Variants in PDLIM5 observed in about 807,000 individuals in gnomAD.
PDLIM5 encodes PDZ and LIM domain 5.
A neutral mutation model predicts 64.2 loss-of-function variants in PDLIM5; 34 were observed. The observed-to-expected ratio is 0.53, with a 90% CI of 0.40 to 0.71. The LOEUF (loss-of-function observed/expected upper bound fraction) is 0.71, where lower values mean the gene tolerates loss of function less well. PDLIM5 is among the 30% of genes least tolerant of loss of function. The pLI is 0.00. For missense variants in PDLIM5, 683 were observed against 733.6 expected, an observed-to-expected ratio of 0.93 and a Z score of 0.80; for synonymous variants, 253 against 269.1, an observed-to-expected ratio of 0.94 and a Z score of 0.59.
chr4:94,563,257 G>T (rs943965655), intron 3 of PDLIM5, among the ~76,000 whole-genome samples: 5 of 152,108 alleles, frequency 3.3e-5, no homozygotes, highest in African/African-American at 1.2e-4. Context: ...AAGGATGTTG[G>T]ACAAGATTCT....
chr4:94,573,039 G>C (rs1480892062), intron 3 of PDLIM5, among the ~76,000 whole-genome samples: 1 of 152,116 alleles, frequency 6.6e-6, no homozygotes, highest in Non-Finnish European at 1.5e-5. Flanking sequence ...TTTAGGTGGG[G>C]GGTATCCTTA....
At chr4:94,529,946 A>G (rs1578317459) in intron 3 of PDLIM5, among the ~76,000 whole-genome samples, 1 of 152,190 alleles carries the variant, frequency 6.6e-6, no homozygotes, top group South Asian at 2.1e-4. Context: ...TTAAAATTAC[A>G]TTATTTCAGT....
chr4:94,610,997 A>G (rs1170615863), intron 7 of PDLIM5: 2 of 1,139,614 alleles, frequency 1.8e-6, no homozygotes. Flanking sequence ...TTCAAATCAC[A>G]GACCTTAAGA....
intron 2 of PDLIM5, among the ~76,000 whole-genome samples, chr4:94,472,187 C>A (rs1187681419): frequency 1.3e-5 from 2 of 151,982 alleles, no homozygotes; most frequent in Admixed American, 1.3e-4. Flanking sequence ...CGCACACGCA[C>A]CCTGTAGGTT....
At chr4:94,498,653 T>C (rs974629541) in intron 2 of PDLIM5, among the ~76,000 whole-genome samples, 1 of 152,212 alleles carries the variant, frequency 6.6e-6, no homozygotes, top group African/African-American at 2.4e-5. Context: ...TCTTTGATGC[T>C]TAATGGATGT....
intron 3 of PDLIM5, among the ~76,000 whole-genome samples, chr4:94,546,567 A>G (rs927463237): frequency 6.6e-6 from 1 of 152,170 alleles, no homozygotes; most frequent in Non-Finnish European, 1.5e-5. Flanking sequence ...TTAGGGAAAT[A>G]TTTTAATGTG....
At chr4:94,549,530 G>T (rs1732614539) in intron 3 of PDLIM5, among the ~76,000 whole-genome samples, 1 of 152,160 alleles carries the variant, frequency 6.6e-6, no homozygotes, top group African/African-American at 2.4e-5. Context: ...ATGTTCATCA[G>T]CAGGAAATGG....
chr4:94,630,937 T>G (rs1448430435), intron 8 of PDLIM5, among the ~76,000 whole-genome samples: 2 of 152,326 alleles, frequency 1.3e-5, no homozygotes, highest in African/African-American at 2.4e-5. Flanking sequence ...ATTATGTTTC[T>G]CATTCTGTTG....
intron 9 of PDLIM5, among the ~76,000 whole-genome samples, chr4:94,645,263 G>A (rs1232311448): frequency 6.6e-6 from 1 of 152,146 alleles, no homozygotes; most frequent in Non-Finnish European, 1.5e-5. Flanking sequence ...TCTTTCTATG[G>A]CTGAGTAGTA....
intron 10 of PDLIM5, among the ~76,000 whole-genome samples, chr4:94,656,024 CT>C (rs1400020905): frequency 4.6e-5 from 7 of 151,986 alleles, no homozygotes; most frequent in Non-Finnish European, 7.4e-5. Context: ...ATTTCTATGG[CT>C]AATAAGTCTA....
intron 3 of PDLIM5, among the ~76,000 whole-genome samples, chr4:94,532,380 C>T (rs1730958536): frequency 2.0e-5 from 3 of 149,760 alleles, no homozygotes; most frequent in Admixed American, 2.0e-4. Context: ...AAGAAAAGGG[C>T]TCCCTGCTTC....
chr4:94,634,345 T>C (rs147878397), intron 8 of PDLIM5, among the ~76,000 whole-genome samples: 16 of 152,250 alleles, frequency 1.1e-4, no homozygotes, highest in Admixed American at 4.6e-4. Flanking sequence ...GTTTTTTGTA[T>C]CACCATGAGC....
intron 8 of PDLIM5, among the ~76,000 whole-genome samples, chr4:94,627,399 G>A (rs10015716): frequency 0.64 from 97,095 of 152,120 alleles, 31,117 homozygotes; most frequent in South Asian, 0.77. Flanking sequence ...TGTGAAAGCT[G>A]TTCTTTCTCC....
Position 94,582,740 on chromosome 4 carries a change from T to C in PDLIM5, c.711-2825T>C, listed in dbSNP as rs368909667. 5 of 1,552,188 alleles carry C rather than the reference T, an allele frequency of 3.2e-6. No homozygotes were observed. The African/African-American group carries it at 5.4e-5, about 17-fold the overall frequency. On this transcript the variant is annotated intron_variant, in intron 5 of 12. Transcript: ENST00000317968. The stretch of plus-strand genomic sequence containing the variant: ...AGTAACCCTGGCACTGTGTAAGTAC[T>C]TAACCAATGATTCACTTTGTAATTG...
At chr4:94,536,994 T>A (rs1429309328) in intron 3 of PDLIM5, among the ~76,000 whole-genome samples, 1 of 152,204 alleles carries the variant, frequency 6.6e-6, no homozygotes, top group South Asian at 2.1e-4. Context: ...TGCATTTTCA[T>A]TGTAAGTCAG....
chr4:94,633,659 C>A (rs946326806), intron 8 of PDLIM5, among the ~76,000 whole-genome samples: 1 of 152,052 alleles, frequency 6.6e-6, no homozygotes, highest in Non-Finnish European at 1.5e-5. Flanking sequence ...AGCAATATGC[C>A]AGGGACTGCT....
At chr4:94,637,048 T>A (rs2110448156) in intron 8 of PDLIM5, among the ~76,000 whole-genome samples, 1 of 151,864 alleles carries the variant, frequency 6.6e-6, no homozygotes, top group African/African-American at 2.4e-5. Context: ...TGGCTGAGGG[T>A]CACAGAGGCA....
intron 2 of PDLIM5, among the ~76,000 whole-genome samples, chr4:94,503,767 C>A (rs1728140789): frequency 6.6e-6 from 1 of 152,200 alleles, no homozygotes; most frequent in East Asian, 1.9e-4. Flanking sequence ...TAACTGTTGA[C>A]CACTCAGAGT....
intron 1 of PDLIM5, among the ~76,000 whole-genome samples, chr4:94,452,754 G>C (rs964018947): frequency 9.2e-5 from 14 of 152,168 alleles, no homozygotes; most frequent in African/African-American, 2.7e-4. Context: ...TTTAGGGTGT[G>C]ATCGCCAGAT....
Sources: gnomAD v4.1 joint callset for allele counts (sites outside exome capture counted in the v4.1 genomes callset) on GRCh38, gnomAD v4.1.1 for gene constraint, MANE v1.5 for transcripts, NCBI Gene and HGNC (gene_info 2026-07-23, HGNC 2026-07-21) for gene names.